The following KCNK10 variants were observed in gnomAD, a reference collection of about 807,000 sequenced individuals.
The protein encoded by KCNK10 is potassium two pore domain channel subfamily K member 10.
In KCNK10, 25 loss-of-function variants were observed where a neutral mutation model predicts 47.7. The observed-to-expected ratio is 0.52, with a 90% confidence interval of 0.38 to 0.73. The LOEUF is 0.73. Among genes scored for constraint, KCNK10 ranks in the 30% least tolerant of loss-of-function variants. The pLI is 0.00. For synonymous variants in KCNK10, 303 were observed against 285.6 expected (o/e 1.06, Z -0.61); for missense variants, 563 against 714.5 (o/e 0.79, Z 2.42).
intron 2 of KCNK10, among the ~76,000 whole-genome samples, chr14:88,251,703 C>A (rs1886804796): frequency 6.6e-6 from 1 of 152,240 alleles, no homozygotes; most frequent in African/African-American, 2.4e-5. Flanking sequence ...GAAAACATAA[C>A]TGTAAGCTTC....
Position 88,236,477 on chromosome 14 carries a change from A to T in KCNK10, c.520+4226T>A, listed in dbSNP as rs112301870. On this transcript the variant is annotated intron_variant, in intron 3 of 6. Coordinates refer to ENST00000319231, the MANE Select transcript of KCNK10 (RefSeq NM_138317.3). ...AGGCAACTACTTGAAGATGACTTTC[A>T]GCCAAGTAAGTGATCATGAGATAAA... is the stretch of plus-strand genomic sequence containing the variant. 8.3e-3 allele frequency among the ~76,000 whole-genome samples: 1,263 copies of T among 152,350 alleles called. 21 individuals carry two copies. The highest frequency in any genetic ancestry group is 0.028 in the African/African-American group (1,170 of 41,590).
At chr14:88,285,132 G>A (rs2139775978) in intron 1 of KCNK10, among the ~76,000 whole-genome samples, 1 of 152,246 alleles carries the variant, frequency 6.6e-6, no homozygotes, top group Middle Eastern at 3.4e-3. Flanking sequence ...TTGTTTTTGA[G>A]GTGGAGTCTC....
chr14:88,193,169 A>G (rs1205469065), intron 4 of KCNK10, among the ~76,000 whole-genome samples: 1 of 152,240 alleles, frequency 6.6e-6, no homozygotes, highest in African/African-American at 2.4e-5. Context: ...CGACAATTAG[A>G]TGGACTTAAT....
In KCNK10 at chr14:88,322,939, C is replaced by T. The variant is rs374409938; in HGVS notation, c.-141G>A. ...CCTTGGACTGGCTCGTGGAGGAACCCCAGAAAAAGACAGGTGGGAAAATAT... is the reference window on the plus strand; with the variant it reads ...CCTTGGACTGGCTCGTGGAGGAACCTCAGAAAAAGACAGGTGGGAAAATAT... On this transcript the variant is annotated 5_prime_UTR_variant, in exon 1 of 7. Coordinates refer to ENST00000319231, the MANE Select transcript of KCNK10 (RefSeq NM_138317.3). The surrounding 1 kb of genome is among the most constrained non-coding windows in gnomAD (Gnocchi z 4.8). The T allele has an allele frequency of 6.7e-7, 1 of 1,498,400 alleles. No individual in the cohort carries two copies. The highest frequency in any genetic ancestry group is 1.4e-5 in the African/African-American group (1 of 71,604). 92.8% of individuals were successfully genotyped at this position (1,498,400 alleles called of 1,614,324 possible).
chr14:88,270,099 T>A (rs389196), intron 1 of KCNK10, among the ~76,000 whole-genome samples: 6,464 of 151,690 alleles, frequency 0.043, 445 homozygotes, highest in African/African-American at 0.15. Context: ...ACCTCCCCCC[T>A]CCCCGCAGCC....
chr14:88,280,336 T>A (rs550422272), intron 1 of KCNK10, among the ~76,000 whole-genome samples: 1 of 152,282 alleles, frequency 6.6e-6, no homozygotes, highest in South Asian at 2.1e-4. Context: ...TGGGTCTTTT[T>A]AAATCCACTC....
chr14:88,287,871 AGTG>A (rs1887800696), intron 1 of KCNK10, among the ~76,000 whole-genome samples: 1 of 152,172 alleles, frequency 6.6e-6, no homozygotes, highest in Non-Finnish European at 1.5e-5. Context: ...TGCACCCAGG[AGTG>A]GGATTGTTGG....
At chr14:88,205,007 T>C (rs1173994977) in intron 4 of KCNK10, among the ~76,000 whole-genome samples, 3 of 152,230 alleles carry the variant, frequency 2.0e-5, no homozygotes, top group Non-Finnish European at 4.4e-5. Flanking sequence ...CACAATAGTT[T>C]CCCTAGCCTA....
At chr14:88,274,827 A>G (rs1348513120) in intron 1 of KCNK10, among the ~76,000 whole-genome samples, 2 of 152,126 alleles carry the variant, frequency 1.3e-5, no homozygotes, top group Non-Finnish European at 2.9e-5. Flanking sequence ...AGTAGTACCA[A>G]TCTCCACACC....
chr14:88,323,417 G>C (rs1229433540), upstream of KCNK10, among the ~76,000 whole-genome samples: 3 of 148,600 alleles, frequency 2.0e-5, no homozygotes, highest in South Asian at 4.3e-4. Context: ...AGCGCGCGGC[G>C]AGGGCGACCC....
intron 3 of KCNK10, among the ~76,000 whole-genome samples, chr14:88,229,623 C>T (rs1886099289): frequency 6.6e-6 from 1 of 152,118 alleles, no homozygotes; most frequent in Non-Finnish European, 1.5e-5. Context: ...TATTCACAGC[C>T]ATCTTTCTTT....
intron 1 of KCNK10, among the ~76,000 whole-genome samples, chr14:88,283,206 T>C (rs561924107): frequency 6.6e-6 from 1 of 152,210 alleles, no homozygotes; most frequent in Non-Finnish European, 1.5e-5. Flanking sequence ...AAGATCACGA[T>C]ATGATCACTC....
At chr14:88,214,461 G>A (rs561131216) in intron 4 of KCNK10, among the ~76,000 whole-genome samples, 2 of 152,318 alleles carry the variant, frequency 1.3e-5, no homozygotes, top group Non-Finnish European at 1.5e-5. Flanking sequence ...AACTGCTCTC[G>A]CAGAGGTGGG....
At chr14:88,309,956 CT>C (rs1888277179) in intron 1 of KCNK10, among the ~76,000 whole-genome samples, 1 of 152,016 alleles carries the variant, frequency 6.6e-6, no homozygotes, top group African/African-American at 2.4e-5. Context: ...CAGCACCTGA[CT>C]TCCCCCCTTC....
At chr14:88,273,992 T>C (rs1051240770) in intron 1 of KCNK10, among the ~76,000 whole-genome samples, 6 of 151,966 alleles carry the variant, frequency 3.9e-5, no homozygotes, top group Non-Finnish European at 5.9e-5. Flanking sequence ...CTTTCCCAGG[T>C]GTCTTGTCAA....
rs975039508 is a variant in KCNK10, at chr14:88,180,567, T to C, written c.*4968A>G. The C allele has an allele frequency of 2.6e-6, 1 of 385,632 alleles. No homozygotes were observed. Among genetic ancestry groups the C allele is most frequent in the Non-Finnish European group, 4.6e-6 (1 of 218,432 alleles). The allele number at this position is 385,632 out of a possible 1,614,324, so 23.9% of individuals were successfully genotyped here. A position where few individuals can be genotyped will look rare whatever the true frequency, so the allele number is the denominator to read the frequency against. On this transcript the variant is annotated 3_prime_UTR_variant, in exon 7 of 7. Transcript: ENST00000319231. The stretch of plus-strand genomic sequence containing the variant: ...GAGCAGGAGTCCTCTCAAAATAATT[T>C]ATTTTAATGCACAGGGAACTATTTC...
At chr14:88,187,427 G>A (rs1884602027) in intron 6 of KCNK10, among the ~76,000 whole-genome samples, 1 of 151,760 alleles carries the variant, frequency 6.6e-6, no homozygotes, top group Non-Finnish European at 1.5e-5. Context: ...AAAGTTACAT[G>A]CACGGCCCTT....
At chr14:88,218,954 C>T (rs1885711371) in intron 4 of KCNK10, among the ~76,000 whole-genome samples, 1 of 152,196 alleles carries the variant, frequency 6.6e-6, no homozygotes, top group South Asian at 2.1e-4. Context: ...ATATTCTAAA[C>T]TCCACATTGG....
chr14:88,192,766 T>C (rs1277836316), intron 4 of KCNK10, among the ~76,000 whole-genome samples: 1 of 152,234 alleles, frequency 6.6e-6, no homozygotes, highest in Non-Finnish European at 1.5e-5. Flanking sequence ...TTCCCAAAAA[T>C]GCTACCATTT....
Sources: allele counts gnomAD v4.1 joint callset (sites outside exome capture counted in the v4.1 genomes callset), GRCh38; gene constraint gnomAD v4.1.1; non-coding constraint Gnocchi (gnomAD v3.1); transcripts MANE v1.5; gene names NCBI Gene and HGNC (gene_info 2026-07-23, HGNC 2026-07-21).